PLEKHG1: variants seen among roughly 807,000 people sequenced by gnomAD.
PLEKHG1 encodes the protein pleckstrin homology domain-containing family G member 1.
In PLEKHG1, 44 loss-of-function variants were observed where a neutral mutation model predicts 100.8. The observed-to-expected ratio is 0.44, with a 90% CI of 0.34 to 0.56. The LOEUF is 0.56. Among genes scored for constraint, PLEKHG1 ranks in the 20% least tolerant of loss-of-function variants. The pLI is 0.01. For missense variants in PLEKHG1, 1,545 were observed against 1,720.9 expected (o/e 0.90, Z 1.81); for synonymous variants, 640 against 662.5 (o/e 0.97, Z 0.52).
At chr6:150,822,024 A>G (rs1287263956) in intron 13 of PLEKHG1, among the ~76,000 whole-genome samples, 3 of 149,854 alleles carry the variant, frequency 2.0e-5, no homozygotes, top group Non-Finnish European at 2.9e-5. Context: ...TATTTTTAGT[A>G]GAGATGGGGT....
At chr6:150,608,850 A>T (rs565694584) in intron 1 of PLEKHG1, among the ~76,000 whole-genome samples, 1 of 152,336 alleles carries the variant, frequency 6.6e-6, no homozygotes, top group African/African-American at 2.4e-5. Context: ...AATGCCTTCT[A>T]AAATGGGGAT....
At chr6:150,755,145 T>G (rs1360560024) in intron 2 of PLEKHG1, among the ~76,000 whole-genome samples, 1 of 152,046 alleles carries the variant, frequency 6.6e-6, no homozygotes, top group Non-Finnish European at 1.5e-5. Flanking sequence ...CTGGCTAGTT[T>G]TTTAATTTTT....
intron 2 of PLEKHG1, among the ~76,000 whole-genome samples, chr6:150,640,556 C>A (rs985278640): frequency 6.6e-6 from 1 of 152,154 alleles, no homozygotes; most frequent in African/African-American, 2.4e-5. Context: ...TCTATCTTGT[C>A]ACCATTTATA....
intron 1 of PLEKHG1, among the ~76,000 whole-genome samples, chr6:150,727,095 T>C (rs1370110980): frequency 6.6e-6 from 1 of 152,208 alleles, no homozygotes. Context: ...AATAAGGAAC[T>C]ACATAATTTC....
At chr6:150,648,194 CT>C in intron 2 of PLEKHG1, among the ~76,000 whole-genome samples, 2 of 152,196 alleles carry the variant, frequency 1.3e-5, no homozygotes, top group Middle Eastern at 6.8e-3. Context: ...TTTAAATGAT[CT>C]TAACCTTTAC....
chr6:150,713,957 G>A (rs1003085036), intron 3 of PLEKHG1, among the ~76,000 whole-genome samples: 3 of 152,226 alleles, frequency 2.0e-5, no homozygotes, highest in East Asian at 3.8e-4. Flanking sequence ...AGAGAATCTT[G>A]TTTTAATTGG....
At chr6:150,675,013 C>T (rs1457270087) in intron 3 of PLEKHG1, among the ~76,000 whole-genome samples, 1 of 152,082 alleles carries the variant, frequency 6.6e-6, no homozygotes, top group Non-Finnish European at 1.5e-5. Flanking sequence ...AAGACACACA[C>T]AAATTGCAAA....
At chr6:150,732,561 C>G (rs1782325017) in intron 1 of PLEKHG1, among the ~76,000 whole-genome samples, 1 of 152,190 alleles carries the variant, frequency 6.6e-6, no homozygotes. Context: ...TGGCATAGCC[C>G]TTTACACATC....
At chr6:150,709,061 C>T (rs1221340466) in intron 3 of PLEKHG1, among the ~76,000 whole-genome samples, 5 of 152,168 alleles carry the variant, frequency 3.3e-5, no homozygotes, top group African/African-American at 7.2e-5. Flanking sequence ...GGGCTGGGCG[C>T]GGTGGCTCAT....
chr6:150,741,705 C>T (rs777140280), intron 2 of PLEKHG1, among the ~76,000 whole-genome samples: 1 of 152,208 alleles, frequency 6.6e-6, no homozygotes, highest in Non-Finnish European at 1.5e-5. Flanking sequence ...TGAGCTGGAA[C>T]TGAAAAGCAG....
chr6:150,673,248 C>T (rs73006343), intron 3 of PLEKHG1, among the ~76,000 whole-genome samples: 2,519 of 152,230 alleles, frequency 0.017, 39 homozygotes, highest in Non-Finnish European at 0.026. Flanking sequence ...TTAAGGTAAG[C>T]TTCCTTCTAA....
chr6:150,835,633 A>T (rs1168760326), intron 15 of PLEKHG1, among the ~76,000 whole-genome samples: 1 of 152,176 alleles, frequency 6.6e-6, no homozygotes, highest in Non-Finnish European at 1.5e-5. Flanking sequence ...AACTCAGCTG[A>T]CTAATACTAA....
At chr6:150,734,510 A>G (rs1345616686) in intron 2 of PLEKHG1, among the ~76,000 whole-genome samples, 5 of 152,226 alleles carry the variant, frequency 3.3e-5, no homozygotes, top group African/African-American at 1.2e-4. Flanking sequence ...GGGAGCTTCC[A>G]AAACTACTGA....
upstream of PLEKHG1, among the ~76,000 whole-genome samples, chr6:150,720,316 C>T (rs141327708): frequency 7.0e-4 from 107 of 152,126 alleles, no homozygotes; most frequent in African/African-American, 2.4e-3. Flanking sequence ...TTAGAGAAAT[C>T]AAAAACCCAA....
chr6:150,722,839 A>T (rs774016227), intron 1 of PLEKHG1, among the ~76,000 whole-genome samples: 3 of 152,124 alleles, frequency 2.0e-5, no homozygotes, highest in Non-Finnish European at 2.9e-5. Context: ...TTCCATACAG[A>T]TGGAGCTTGT....
At chr6:150,634,250 C>CAAAAAAAA (rs139347441) in intron 1 of PLEKHG1, among the ~76,000 whole-genome samples, 3,536 of 120,062 alleles carry the variant, frequency 0.029, 202 homozygotes, top group African/African-American at 0.11. Context: ...ATCTCCCCCC[C>CAAAAAAAA]AAAAAAAAAA....
At chr6:150,708,185 C>T (rs1184739673) in intron 3 of PLEKHG1, among the ~76,000 whole-genome samples, 1 of 152,130 alleles carries the variant, frequency 6.6e-6, no homozygotes, top group Non-Finnish European at 1.5e-5. Context: ...GTTTTTCGGC[C>T]ACCCAGTCTC....
At chr6:150,618,316 A>T (rs1294694712) in intron 1 of PLEKHG1, among the ~76,000 whole-genome samples, 1 of 152,238 alleles carries the variant, frequency 6.6e-6, no homozygotes, top group South Asian at 2.1e-4. Context: ...TGAATGCTGG[A>T]TGAATATTTT....
chr6:150,659,650 G>A (rs1779106884), intron 3 of PLEKHG1, among the ~76,000 whole-genome samples: 1 of 152,174 alleles, frequency 6.6e-6, no homozygotes, highest in African/African-American at 2.4e-5. Flanking sequence ...TTTAAACTCA[G>A]TTCAGATTCC....
Sources: allele counts gnomAD v4.1 joint callset (sites outside exome capture counted in the v4.1 genomes callset), GRCh38; gene constraint gnomAD v4.1.1; transcripts MANE v1.5; gene names NCBI Gene and HGNC (gene_info 2026-07-23, HGNC 2026-07-21).